ZNF737: variants seen among roughly 807,000 people sequenced by gnomAD.
ZNF737 encodes the protein zinc finger protein 737, also known as zinc finger protein 102 (Y3).
A neutral mutation model predicts 11.7 loss-of-function variants in ZNF737; 13 were observed. The observed-to-expected ratio is 1.11, with a 90% CI of 0.73 to 1.77. The LOEUF is 1.77. Ranked by LOEUF, ZNF737 falls within the 40% of genes most tolerant of loss-of-function variation. The pLI, the probability that ZNF737 is intolerant of heterozygous loss-of-function variation, is 0.00. For synonymous variants in ZNF737, 217 were observed against 216.2 expected, an observed-to-expected ratio of 1.00 and a Z score of -0.03; for missense variants, 636 against 638.0, an observed-to-expected ratio of 1.00 and a Z score of 0.03.
Position 20,542,852 on chromosome 19 carries a change from AAAT to A in ZNF737, c.*1737_*1739del. ...GCTTTCTCACATGTGAATAGAAATA[AAAT>A]AACAGCATAATTTGAAAGCTGTATT... On this transcript the variant is annotated 3_prime_UTR_variant, in exon 4 of 4. Coordinates refer to ENST00000427401, the MANE Select transcript of ZNF737 (RefSeq NM_001159293.2). The A allele has an allele frequency of 2.0e-6, 2 of 985,250 alleles. No homozygotes were observed. Among genetic ancestry groups the A allele is most frequent in the Non-Finnish European group, 2.4e-6 (2 of 829,818 alleles). The allele number at this position is 985,250 out of a possible 1,614,324, so 61.0% of individuals were successfully genotyped here.
chr19:20,559,079 G>T (rs782354015), intron 1 of ZNF737, among the ~76,000 whole-genome samples: 1 of 152,116 alleles, frequency 6.6e-6, no homozygotes, highest in African/African-American at 2.4e-5. Context: ...AAGAAACACT[G>T]CATGAAAACC....
chr19:20,548,498 A>G (rs1555757517), intron 3 of ZNF737, among the ~76,000 whole-genome samples: 2 of 152,204 alleles, frequency 1.3e-5, no homozygotes, highest in African/African-American at 4.8e-5. Flanking sequence ...CAAAGGCTGG[A>G]GAGAGGGTAA....
rs202181270 is a variant in ZNF737, at chr19:20,539,909, C to T, written c.*4683G>A. 52 of 981,216 alleles carry T rather than the reference C, an allele frequency of 5.3e-5. No individual in the cohort carries two copies. The African/African-American group carries it at 9.2e-4, about 17-fold the overall frequency. 60.8% of individuals were successfully genotyped at this position (981,216 alleles called of 1,614,324 possible). A position where few individuals can be genotyped will look rare whatever the true frequency, so the allele number is the denominator to read the frequency against. The stretch of plus-strand genomic sequence containing the variant: ...CCCAGAGGCTGATCATTCACTACAG[C>T]TTACTAAATACTGTTCCATAATGCC... On this transcript the variant is annotated 3_prime_UTR_variant, in exon 4 of 4. Transcript: ENST00000427401.
At chr19:20,531,097 G>T (rs1261688894), downstream of ZNF737, among the ~76,000 whole-genome samples, 6 of 146,480 alleles carry the variant, frequency 4.1e-5, no homozygotes, top group Non-Finnish European at 9.0e-5. Context: ...GCGTGGCGGC[G>T]CGCGCCTGCA....
chr19:20,551,879 A>T (rs1968685825), intron 3 of ZNF737, among the ~76,000 whole-genome samples: 1 of 151,658 alleles, frequency 6.6e-6, no homozygotes, highest in African/African-American at 2.4e-5. Flanking sequence ...TCCTGTCAAA[A>T]TTGCAGTGTT....
rs150959089 is a variant in ZNF737 at position 20,556,354 on chromosome 19, C to T, written c.4-2519G>A. The stretch of plus-strand genomic sequence containing the variant: ...GTGGGGAGGGCACAAGAGATTTCTG[C>T]AAATTGGCCATGTGATCCTAATGAG... On this transcript the variant is annotated intron_variant, in intron 1 of 3. Coordinates refer to ENST00000427401, the MANE Select transcript of ZNF737 (RefSeq NM_001159293.2). Among the ~76,000 whole-genome samples, 1,085 of 152,254 alleles carry T rather than the reference C, an allele frequency of 7.1e-3. 57 individuals carry two copies. Among genetic ancestry groups the T allele is most frequent in the Admixed American group, 0.061 (930 of 15,298 alleles).
chr19:20,541,026 A>G lies in ZNF737; in HGVS notation c.*3566T>C. 2.0e-6 allele frequency: 2 copies of G among 985,134 alleles called. No homozygotes were observed. The highest frequency in any genetic ancestry group is 2.4e-6 in the Non-Finnish European group (2 of 829,840). 61.0% of individuals were successfully genotyped at this position (985,134 alleles called of 1,614,324 possible). ...GTTTTAAGAGGGCTTTTATTATTGT[A>G]CTCAAGAGAGTTGTTTCTGGAGACA... On this transcript the variant is annotated 3_prime_UTR_variant, in exon 4 of 4. Coordinates refer to ENST00000427401, the MANE Select transcript of ZNF737 (RefSeq NM_001159293.2).
At position 20,548,983 on chromosome 19, in the gene ZNF737, AT is replaced by A. The variant is rs1555757694; in HGVS notation, c.227-3008del. ...AACTGAAAAAAAAAAAAAAAAAACA[AT>A]TATGTATCTTTTTGAAATTTACTTT... On this transcript the variant is annotated intron_variant, in intron 3 of 3. Coordinates refer to ENST00000427401, the MANE Select transcript of ZNF737 (RefSeq NM_001159293.2). Among the ~76,000 whole-genome samples the A allele has an allele frequency of 8.5e-4, 117 of 137,722 alleles. 2 individuals carry two copies. The highest frequency in any genetic ancestry group is 1.4e-3 in the Non-Finnish European group (89 of 61,888). 90.4% of individuals were successfully genotyped at this position (137,722 alleles called of 152,430 possible). A position where few individuals can be genotyped will look rare whatever the true frequency, so the allele number is the denominator to read the frequency against.
At chr19:20,557,707 C>T (rs532329619) in intron 1 of ZNF737, among the ~76,000 whole-genome samples, 38 of 151,524 alleles carry the variant, frequency 2.5e-4, no homozygotes, top group Middle Eastern at 3.4e-3. Flanking sequence ...GCCTCTGCCT[C>T]CAGGGTTCAA....
At chr19:20,563,088 ATAAAT>A (rs1327975241) in intron 1 of ZNF737, among the ~76,000 whole-genome samples, 1 of 149,328 alleles carries the variant, frequency 6.7e-6, no homozygotes, top group Admixed American at 6.7e-5. Context: ...TTTTTTTAAC[ATAAAT>A]TAATATTTTT....
intron 1 of ZNF737, among the ~76,000 whole-genome samples, chr19:20,564,735 G>GA (rs1969231010): frequency 6.6e-6 from 1 of 151,944 alleles, no homozygotes; most frequent in South Asian, 2.1e-4. Context: ...AAATGCCAGG[G>GA]AAAATCAGTC....
At chr19:20,548,638 C>T (rs1050271833) in intron 3 of ZNF737, among the ~76,000 whole-genome samples, 6 of 151,382 alleles carry the variant, frequency 4.0e-5, no homozygotes, top group Admixed American at 6.6e-5. Context: ...TTTTGAGACA[C>T]GGTCTCACTC....
rs530372307 is a variant in ZNF737, at chr19:20,538,621, C to T, written c.*5971G>A. The T allele has an allele frequency of 6.1e-6, 6 of 980,098 alleles. No homozygotes were observed. In the Admixed American group the frequency reaches 1.8e-4, roughly 30 times the overall value. 60.7% of individuals were successfully genotyped at this position (980,098 alleles called of 1,614,324 possible). ...ATTTTCAAGTGCTATTTCTTTACAG[C>T]TCCAGAGAACAAACATTTCTAAAAC... On this transcript the variant is annotated 3_prime_UTR_variant, in exon 4 of 4. Coordinates refer to ENST00000427401, the MANE Select transcript of ZNF737 (RefSeq NM_001159293.2).
Position 20,544,530 on chromosome 19 carries a change from G to A in ZNF737, c.*62C>T. 1.3e-6 allele frequency: 2 copies of A among 1,542,366 alleles called. No homozygotes were observed. Among genetic ancestry groups the A allele is most frequent in the South Asian group, 2.5e-5 (2 of 79,722 alleles). ...CACTTGTACAGTTTCCCTCCAATAT[G>A]AATTTTCTTATGTGAAAAAAGCATA... On this transcript the variant is annotated 3_prime_UTR_variant, in exon 4 of 4. Transcript: ENST00000427401.
chr19:20,546,461 A>C (rs1968459931), intron 3 of ZNF737, among the ~76,000 whole-genome samples: 1 of 152,206 alleles, frequency 6.6e-6, no homozygotes, highest in Non-Finnish European at 1.5e-5. Flanking sequence ...TGAGGTTTGA[A>C]GAACATAGAC....
In ZNF737 at chr19:20,541,573, G is replaced by A; in HGVS notation, c.*3019C>T. The A allele has an allele frequency of 3.8e-6, 1 of 262,056 alleles. No individual in the cohort carries two copies. Among genetic ancestry groups the A allele is most frequent in the Non-Finnish European group, 5.9e-6 (1 of 168,982 alleles). 16.2% of individuals were successfully genotyped at this position (262,056 alleles called of 1,614,324 possible). A position where few individuals can be genotyped will look rare whatever the true frequency, so the allele number is the denominator to read the frequency against. Reference sequence around the variant, plus strand: ...ACGATTCTCCTGCCTCAGCCTCCTGGCATGTGCCACCATGCCTAATTTTTG... The same window carrying A: ...ACGATTCTCCTGCCTCAGCCTCCTGACATGTGCCACCATGCCTAATTTTTG... On this transcript the variant is annotated 3_prime_UTR_variant, in exon 4 of 4. Transcript: ENST00000427401.
At position 20,538,670 on chromosome 19, in the gene ZNF737, G is replaced by T. The variant is rs1599393626; in HGVS notation, c.*5922C>A. ...ACCATTATGGACCCTGAGTAATTCA[G>T]GGGGAATTGGTATCTCTGTAAAGAG... On this transcript the variant is annotated 3_prime_UTR_variant, in exon 4 of 4. Transcript: ENST00000427401. 1 of 985,304 alleles carries T rather than the reference G, an allele frequency of 1.0e-6. No homozygotes were observed. Among genetic ancestry groups the T allele is most frequent in the African/African-American group, 1.7e-5 (1 of 57,348 alleles). 61.0% of individuals were successfully genotyped at this position (985,304 alleles called of 1,614,324 possible). A position where few individuals can be genotyped will look rare whatever the true frequency, so the allele number is the denominator to read the frequency against.
At position 20,540,995 on chromosome 19, in the gene ZNF737, T is replaced by C. The variant is rs1555755006; in HGVS notation, c.*3597A>G. The C allele has an allele frequency of 1.0e-6, 1 of 984,798 alleles. No individual in the cohort carries two copies. The highest frequency in any genetic ancestry group is 1.2e-6 in the Non-Finnish European group (1 of 829,606). 61.0% of individuals were successfully genotyped at this position (984,798 alleles called of 1,614,324 possible). A position where few individuals can be genotyped will look rare whatever the true frequency, so the allele number is the denominator to read the frequency against. ...AAATAAGTGTTAAAAATGATTTTTTTTTCCTGTTTTAAGAGGGCTTTTATT... is the reference window on the plus strand; with the variant it reads ...AAATAAGTGTTAAAAATGATTTTTTCTTCCTGTTTTAAGAGGGCTTTTATT... On this transcript the variant is annotated 3_prime_UTR_variant, in exon 4 of 4. Transcript: ENST00000427401.
At chr19:20,560,286 C>G (rs1168460825) in intron 1 of ZNF737, among the ~76,000 whole-genome samples, 7 of 151,492 alleles carry the variant, frequency 4.6e-5, no homozygotes, top group Non-Finnish European at 1.0e-4. Context: ...GAGGTTGAGG[C>G]TAAAGTAAAC....
Sources: gnomAD v4.1 joint callset for allele counts (sites outside exome capture counted in the v4.1 genomes callset) on GRCh38, gnomAD v4.1.1 for gene constraint, MANE v1.5 for transcripts, NCBI Gene and HGNC (gene_info 2026-07-23, HGNC 2026-07-21) for gene names.